Variants in CUX1 observed in about 807,000 individuals in gnomAD.
CUX1 encodes cut like homeobox 1, also known as protein CASP.
Under a neutral mutation model 158.8 loss-of-function variants are expected in CUX1, and 31 were observed. That is an observed-to-expected ratio of 0.20 (90% CI 0.15 to 0.26). The LOEUF is 0.26. CUX1 is among the 10% of genes least tolerant of loss of function. The pLI is 1.00. For synonymous variants in CUX1, 879 were observed against 862.1 expected (o/e 1.02, Z -0.34); for missense variants, 1,589 against 2,014.6 (o/e 0.79, Z 4.04).
intron 3 of CUX1, among the ~76,000 whole-genome samples, chr7:102,060,909 GC>G (rs1252807603): frequency 8.8e-6 from 1 of 114,202 alleles, no homozygotes; most frequent in Non-Finnish European, 1.7e-5. Context: ...ACCGCGCCTG[GC>G]CTTTTTTTTT....
At chr7:101,839,026 A>G (rs956944100) in intron 1 of CUX1, among the ~76,000 whole-genome samples, 9 of 152,208 alleles carry the variant, frequency 5.9e-5, no homozygotes, top group Non-Finnish European at 8.8e-5. Flanking sequence ...GTGTTGCCAC[A>G]TAGCAGAGAG....
At chr7:101,860,975 T>C (rs1797394254) in intron 1 of CUX1, among the ~76,000 whole-genome samples, 1 of 152,100 alleles carries the variant, frequency 6.6e-6, no homozygotes, top group Admixed American at 6.6e-5. Context: ...CTGGCTAATT[T>C]TTAAATTTTT....
At chr7:101,968,603 A>C (rs960281007) in intron 2 of CUX1, among the ~76,000 whole-genome samples, 2 of 151,736 alleles carry the variant, frequency 1.3e-5, no homozygotes, top group Non-Finnish European at 2.9e-5. Context: ...TTGTATTTTT[A>C]GTAGAGACAG....
chr7:101,837,886 TAA>T (rs1794804412), intron 1 of CUX1, among the ~76,000 whole-genome samples: 1 of 127,268 alleles, frequency 7.9e-6, no homozygotes, highest in African/African-American at 3.0e-5. Flanking sequence ...AGTCAAATTA[TAA>T]GGGTTTTAAC....
chr7:102,091,650 T>C (rs1290105108), intron 4 of CUX1, among the ~76,000 whole-genome samples: 2 of 152,142 alleles, frequency 1.3e-5, no homozygotes, highest in Non-Finnish European at 2.9e-5. Context: ...CACTTAGCTT[T>C]TCTAAAGAAA....
intron 2 of CUX1, among the ~76,000 whole-genome samples, chr7:101,968,570 G>C (rs1317228937): frequency 6.6e-6 from 1 of 151,988 alleles, no homozygotes; most frequent in Non-Finnish European, 1.5e-5. Context: ...TTACAGGCGC[G>C]TACCACCGTG....
chr7:101,922,950 C>A lies in CUX1; in HGVS notation c.141+6725C>A, dbSNP rs73712588. On this transcript the variant is annotated intron_variant, in intron 2 of 23. Transcript: ENST00000292535. ...TGAGCAGTGGAGGCTGAAAGCCTAG[C>A]TCTCGCAAACCCCAGAAAGTGTCTC... Among the ~76,000 whole-genome samples, 550 of 152,386 alleles carry A rather than the reference C, an allele frequency of 3.6e-3. 5 individuals are homozygous for A. Among genetic ancestry groups the A allele is most frequent in the African/African-American group, 0.013 (524 of 41,590 alleles).
intron 3 of CUX1, among the ~76,000 whole-genome samples, chr7:102,033,454 A>G (rs1821034262): frequency 6.6e-6 from 1 of 152,220 alleles, no homozygotes; most frequent in African/African-American, 2.4e-5. Context: ...TGCAACTGAC[A>G]AACCACTGTA....
intron 14 of CUX1, among the ~76,000 whole-genome samples, chr7:102,266,625 G>A (rs2132766700): frequency 6.6e-6 from 1 of 152,224 alleles, no homozygotes; most frequent in East Asian, 1.9e-4. Flanking sequence ...TGCAGCAGCG[G>A]CAAGAAGCTT....
At chr7:102,234,309 T>C in intron 22 of CUX1, 69 bp downstream of exon 22, 1 of 1,366,204 alleles carries the variant, frequency 7.3e-7, no homozygotes, top group Non-Finnish European at 9.6e-7. Flanking sequence ...TTTCAAATCT[T>C]TCACACACAG....
intron 1 of CUX1, among the ~76,000 whole-genome samples, chr7:101,902,893 G>A (rs1253023319): frequency 6.6e-6 from 1 of 152,150 alleles, no homozygotes; most frequent in African/African-American, 2.4e-5. Flanking sequence ...GACTACAGTT[G>A]TGCACCACCA....
intron 11 of CUX1, among the ~76,000 whole-genome samples, chr7:102,189,399 A>ATTTT (rs1554516291): frequency 1.8e-4 from 15 of 83,652 alleles, no homozygotes; most frequent in South Asian, 3.7e-4. Context: ...TTTTTTTAAA[A>ATTTT]AAAAAAGAGG....
chr7:101,896,094 T>C (rs1210739617), intron 1 of CUX1, among the ~76,000 whole-genome samples: 1 of 151,912 alleles, frequency 6.6e-6, no homozygotes, highest in Non-Finnish European at 1.5e-5. Context: ...AGACAGGGTC[T>C]CCTTATGTTG....
chr7:101,838,499 C>T (rs142497048), intron 1 of CUX1, among the ~76,000 whole-genome samples: 13 of 151,402 alleles, frequency 8.6e-5, no homozygotes, highest in Non-Finnish European at 1.6e-4. Flanking sequence ...TTATGACAGC[C>T]GTATTGAAAT....
chr7:101,853,773 G>T (rs763690930), intron 1 of CUX1, among the ~76,000 whole-genome samples: 2 of 152,164 alleles, frequency 1.3e-5, no homozygotes, highest in Non-Finnish European at 2.9e-5. Context: ...CTGCTGGGTG[G>T]TGCAGTTGGG....
chr7:102,131,834 A>G (rs557330015), intron 8 of CUX1, among the ~76,000 whole-genome samples: 4 of 151,724 alleles, frequency 2.6e-5, no homozygotes, highest in Non-Finnish European at 5.9e-5. Flanking sequence ...CACCATGCCT[A>G]GCCAATTTTT....
At chr7:101,952,757 G>C (rs577896327) in intron 2 of CUX1, among the ~76,000 whole-genome samples, 1 of 152,268 alleles carries the variant, frequency 6.6e-6, no homozygotes, top group Admixed American at 6.5e-5. Flanking sequence ...GTCTCAGCTC[G>C]GGGCTTACCT....
chr7:101,926,822 A>G (rs570452261), intron 2 of CUX1, among the ~76,000 whole-genome samples: 1 of 152,294 alleles, frequency 6.6e-6, no homozygotes, highest in Admixed American at 6.5e-5. Flanking sequence ...ATTCAGATGC[A>G]CAGAGCATAT....
intron 1 of CUX1, among the ~76,000 whole-genome samples, chr7:101,832,785 T>C (rs1794197786): frequency 6.6e-6 from 1 of 152,210 alleles, no homozygotes; most frequent in Admixed American, 6.5e-5. Flanking sequence ...TGCTTGGTAC[T>C]AGGACTGCCA....
Sources: gnomAD v4.1 joint callset for allele counts (sites outside exome capture counted in the v4.1 genomes callset) on GRCh38, gnomAD v4.1.1 for gene constraint, MANE v1.5 for transcripts, NCBI Gene and HGNC (gene_info 2026-07-23, HGNC 2026-07-21) for gene names.